KLHL14: variants seen among roughly 807,000 people sequenced by gnomAD.
The protein encoded by KLHL14 is kelch-like protein 14.
Under a neutral mutation model 64.3 loss-of-function variants are expected in KLHL14, and 22 were observed. The observed-to-expected ratio is 0.34, with a 90% confidence interval of 0.24 to 0.49. The LOEUF (loss-of-function observed/expected upper bound fraction) is 0.49, where lower values mean the gene tolerates loss of function less well. KLHL14 is among the 20% of genes least tolerant of loss of function. KLHL14 has a pLI of 0.99. For synonymous variants in KLHL14, 322 were observed against 333.4 expected (o/e 0.97, Z 0.37); for missense variants, 661 against 789.0 (o/e 0.84, Z 1.94).
In KLHL14 at chr18:32,672,730, AT is replaced by A. The variant is rs973491105; in HGVS notation, c.*1926del. 6.6e-6 allele frequency: 1 copy of A among 152,648 alleles called. No individual in the cohort carries two copies. The highest frequency in any genetic ancestry group is 6.5e-5 in the Admixed American group (1 of 15,282). The allele number at this position is 152,648 out of a possible 1,614,324, so 9.5% of individuals were successfully genotyped here. On this transcript the variant is annotated 3_prime_UTR_variant, in exon 9 of 9. Coordinates refer to ENST00000359358, the MANE Select transcript of KLHL14 (RefSeq NM_020805.3). Reference sequence around the variant, plus strand: ...CCTTCCAAGCAAGCTTCATTTACACATTCTAATACTGTACAAAATTTACATT... The same window carrying A: ...CCTTCCAAGCAAGCTTCATTTACACATCTAATACTGTACAAAATTTACATT...
intron 3 of KLHL14, among the ~76,000 whole-genome samples, chr18:32,729,193 G>T (rs78479468): frequency 6.6e-6 from 1 of 152,114 alleles, no homozygotes; most frequent in Non-Finnish European, 1.5e-5. Context: ...TCCTTATTTC[G>T]TGGGGGTCAC....
At chr18:32,769,620 C>T (rs760324519) in intron 2 of KLHL14, 25 bp downstream of exon 2, 2 of 1,296,696 alleles carry the variant, frequency 1.5e-6, no homozygotes, top group Admixed American at 2.4e-5. Context: ...CCCCCTCCCC[C>T]GCCCTCCTCT....
chr18:32,739,199 A>T (rs1028046713), intron 3 of KLHL14, among the ~76,000 whole-genome samples: 7 of 152,102 alleles, frequency 4.6e-5, no homozygotes, highest in Non-Finnish European at 1.5e-5. Context: ...CACCTCCATG[A>T]CAAACTAGTT....
intron 2 of KLHL14, among the ~76,000 whole-genome samples, chr18:32,752,771 G>A (rs1257005648): frequency 7.1e-6 from 1 of 140,796 alleles, no homozygotes; most frequent in Non-Finnish European, 1.5e-5. Flanking sequence ...GGTTCCCAAT[G>A]TGGGAACTTT....
intron 3 of KLHL14, among the ~76,000 whole-genome samples, chr18:32,717,367 A>G (rs2050051772): frequency 6.6e-6 from 1 of 152,206 alleles, no homozygotes; most frequent in South Asian, 2.1e-4. Flanking sequence ...CATGGGAGCC[A>G]GATGTTGAAC....
At chr18:32,703,701 C>T (rs2049976927) in intron 3 of KLHL14, among the ~76,000 whole-genome samples, 1 of 152,130 alleles carries the variant, frequency 6.6e-6, no homozygotes, top group Non-Finnish European at 1.5e-5. Context: ...GCAAAACTGA[C>T]CTTCAAAGTC....
Position 32,680,249 on chromosome 18 carries a change from T to A in KLHL14, c.1508A>T (p.Asp503Val), listed in dbSNP as rs770099781. Residue 503 changes from aspartate (D) to valine (V), a missense_variant, in exon 7 of 9, where the codon GAT (aspartate) becomes GTT (valine). By Grantham distance (152) the Asp-to-Val change is radical (BLOSUM62 -3). Transcript: ENST00000359358. This position sits in a 1 kb window ranked among gnomAD's most constrained non-coding sequence, Gnocchi z 4.8. ...GTGAATTGCACGTTTTGTGTTCATATCTTGTTTTCGAGCCCAGACATCCAT... is the reference window on the plus strand; with the variant it reads ...GTGAATTGCACGTTTTGTGTTCATAACTTGTTTTCGAGCCCAGACATCCAT... Reference protein sequence around the residue: ...PVMDVWARKQDMNTKRAIHTL... With the variant: ...PVMDVWARKQVMNTKRAIHTL... 1 of 1,613,902 alleles carries A rather than the reference T, an allele frequency of 6.2e-7. No individual in the cohort carries two copies. Among genetic ancestry groups the A allele is most frequent in the African/African-American group, 1.3e-5 (1 of 75,032 alleles).
At chr18:32,754,215 G>A (rs534804479) in intron 2 of KLHL14, among the ~76,000 whole-genome samples, 35 of 152,284 alleles carry the variant, frequency 2.3e-4, no homozygotes, top group African/African-American at 6.7e-4. Context: ...TGATGGACTC[G>A]TAAGTAATGC....
chr18:32,767,256 C>A (rs1472206131), intron 2 of KLHL14, among the ~76,000 whole-genome samples: 1 of 152,190 alleles, frequency 6.6e-6, no homozygotes, highest in African/African-American at 2.4e-5. Context: ...TTGCAACTTA[C>A]AGCATTTCTG....
chr18:32,696,521 A>C (rs2049937485), intron 3 of KLHL14, among the ~76,000 whole-genome samples: 3 of 152,234 alleles, frequency 2.0e-5, no homozygotes, highest in Admixed American at 1.3e-4. Context: ...TCAGCTCATC[A>C]TATGGGCACC....
intron 7 of KLHL14, among the ~76,000 whole-genome samples, chr18:32,679,298 A>G (rs2049826494): frequency 6.6e-6 from 1 of 152,330 alleles, no homozygotes; most frequent in Admixed American, 6.5e-5. Flanking sequence ...AAAAAGATGT[A>G]TATACTATTA....
chr18:32,693,346 T>G (rs1208313980), intron 4 of KLHL14, among the ~76,000 whole-genome samples: 2 of 148,216 alleles, frequency 1.3e-5, no homozygotes, highest in Non-Finnish European at 3.0e-5. Context: ...GCCTTTCATG[T>G]GGAAGCTTCC....
Position 32,703,244 on chromosome 18 carries a change from T to C in KLHL14, c.1070-7692A>G, listed in dbSNP as rs1598555642. On this transcript the variant is annotated intron_variant, in intron 3 of 8. Coordinates refer to ENST00000359358, the MANE Select transcript of KLHL14 (RefSeq NM_020805.3). ...ATCCCTATAGCATTTAGGCATAACA[T>C]AGTAATCAGAAATATTAATGGATCA... 3.3e-5 allele frequency among the ~76,000 whole-genome samples: 5 copies of C among 152,294 alleles called. No homozygotes were observed. The East Asian group carries it at 9.7e-4, about 29-fold the overall frequency.
At chr18:32,714,706 G>T (rs1051761031) in intron 3 of KLHL14, among the ~76,000 whole-genome samples, 1 of 152,030 alleles carries the variant, frequency 6.6e-6, no homozygotes, top group Non-Finnish European at 1.5e-5. Flanking sequence ...CTCGCCTTTC[G>T]TTAACTGCAG....
At chr18:32,754,549 G>A (rs2050272140) in intron 2 of KLHL14, among the ~76,000 whole-genome samples, 2 of 152,210 alleles carry the variant, frequency 1.3e-5, no homozygotes, top group African/African-American at 4.8e-5. Flanking sequence ...ACATTCTGAA[G>A]AAAGGAGTTC....
At chr18:32,680,000 A>C (rs1157250704) in intron 7 of KLHL14, among the ~76,000 whole-genome samples, 169 bp downstream of exon 7, 1 of 152,186 alleles carries the variant, frequency 6.6e-6, no homozygotes, top group Non-Finnish European at 1.5e-5. Flanking sequence ...CAGCAAAGCC[A>C]AAATAAATGC....
chr18:32,700,903 T>C (rs1022542448), intron 3 of KLHL14, among the ~76,000 whole-genome samples: 1 of 152,054 alleles, frequency 6.6e-6, no homozygotes, highest in Non-Finnish European at 1.5e-5. Flanking sequence ...GTAAGGGAGC[T>C]GTGCAGGGTG....
At chr18:32,759,726 G>A (rs142784293) in intron 2 of KLHL14, among the ~76,000 whole-genome samples, 21 of 123,346 alleles carry the variant, frequency 1.7e-4, no homozygotes, top group Non-Finnish European at 3.1e-4. Context: ...TCTCTCTCTC[G>A]TCATTTTGGA....
chr18:32,686,177 A>ATTTTTTTT (rs148393455), intron 5 of KLHL14, among the ~76,000 whole-genome samples: 81 of 107,624 alleles, frequency 7.5e-4, no homozygotes, highest in Admixed American at 1.4e-3. Flanking sequence ...GTGCCCGGCT[A>ATTTTTTTT]TTTTTTTTTT....
Sources: allele counts gnomAD v4.1 joint callset (sites outside exome capture counted in the v4.1 genomes callset), GRCh38; gene constraint gnomAD v4.1.1; non-coding constraint Gnocchi (gnomAD v3.1); transcripts MANE v1.5; gene names NCBI Gene and HGNC (gene_info 2026-07-23, HGNC 2026-07-21).